Variants in RNF157 observed in about 807,000 individuals in gnomAD.
RNF157 encodes the protein ring finger protein 157, also known as E3 ubiquitin ligase RNF157.
In RNF157, 55 loss-of-function variants were observed where a neutral mutation model predicts 88.3. That is an observed-to-expected ratio of 0.62 (90% CI 0.50 to 0.78). The LOEUF (loss-of-function observed/expected upper bound fraction) is 0.78, where lower values mean the gene tolerates loss of function less well. RNF157 is among the 30% of genes least tolerant of loss of function. The probability of loss-of-function intolerance (pLI) is 0.00; values close to 1 mark genes in which losing one functional copy is unlikely to be tolerated. For synonymous variants in RNF157, 334 were observed against 341.2 expected (o/e 0.98, Z 0.23); for missense variants, 788 against 860.8 (o/e 0.92, Z 1.06).
intron 7 of RNF157, 78 bp from the exon 8 acceptor site, chr17:76,164,873 G>A: frequency 9.6e-7 from 1 of 1,036,802 alleles, no homozygotes; most frequent in Non-Finnish European, 1.5e-6. Context: ...ACATCTCCCA[G>A]TTACAGTCGC....
intron 1 of RNF157, among the ~76,000 whole-genome samples, chr17:76,238,717 T>C (rs920282519): frequency 6.6e-6 from 1 of 152,242 alleles, no homozygotes; most frequent in African/African-American, 2.4e-5. Flanking sequence ...TGCATATTTT[T>C]GTCTATTTTA....
intron 18 of RNF157, 162 bp from the exon 19 acceptor site, chr17:76,145,515 G>A (rs1166089727): frequency 1.7e-6 from 1 of 588,156 alleles, no homozygotes; most frequent in Non-Finnish European, 3.0e-6. Flanking sequence ...TGAGAACGGA[G>A]AGAAGCAGGT....
intron 1 of RNF157, among the ~76,000 whole-genome samples, chr17:76,239,255 A>G (rs770551775): frequency 1.8e-4 from 28 of 152,206 alleles, no homozygotes; most frequent in Non-Finnish European, 3.7e-4. Context: ...TGCAATTCAT[A>G]CTGGCCGGTG....
rs1406622269 is a variant in RNF157, at chr17:76,143,353, C to G, written c.*1882G>C. The G allele has an allele frequency of 6.6e-6, 1 of 152,264 alleles. No homozygotes were observed. The highest frequency in any genetic ancestry group is 6.5e-5 in the Admixed American group (1 of 15,272). The allele number at this position is 152,264 out of a possible 1,614,324, so 9.4% of individuals were successfully genotyped here. ...CTCCTTCCTCCCTCCTCCCAGGTAACACCACACTGTGAATACTACCTGCAG... is the reference window on the plus strand; with the variant it reads ...CTCCTTCCTCCCTCCTCCCAGGTAAGACCACACTGTGAATACTACCTGCAG... On this transcript the variant is annotated 3_prime_UTR_variant, in exon 19 of 19. Transcript: ENST00000269391.
chr17:76,156,518 G>A, intron 13 of RNF157, 197 bp from the exon 14 acceptor site: 1 of 1,411,918 alleles, frequency 7.1e-7, no homozygotes, highest in Non-Finnish European at 9.2e-7. Context: ...GCCTCCCAGG[G>A]GAGGCGCACA....
rs141936932 is a variant in RNF157, at chr17:76,158,143, T to C, written c.1413+250A>G. On this transcript the variant is annotated intron_variant, in intron 13 of 18. Transcript: ENST00000269391. The stretch of plus-strand genomic sequence containing the variant: ...CCACCCCAGATAGCAAGAATATAAA[T>C]GCTACAAGGGCAGGGACTTTTGTAG... Among the ~76,000 whole-genome samples, 434 of 152,010 alleles carry C rather than the reference T, an allele frequency of 2.9e-3. 4 individuals carry two copies. The highest frequency in any genetic ancestry group is 9.9e-3 in the African/African-American group (412 of 41,454).
intron 2 of RNF157, among the ~76,000 whole-genome samples, chr17:76,191,844 A>G (rs927675971): frequency 1.3e-5 from 2 of 152,196 alleles, no homozygotes; most frequent in African/African-American, 4.8e-5. Flanking sequence ...CTACTATTTT[A>G]TTTGATTGGC....
intron 2 of RNF157, among the ~76,000 whole-genome samples, chr17:76,194,908 A>G (rs543815592): frequency 1.2e-4 from 18 of 152,090 alleles, no homozygotes; most frequent in Middle Eastern, 3.4e-3. Context: ...CCAGCTACTC[A>G]GGAGGCTGAG....
chr17:76,210,601 A>AAAAAGAAAG (rs777083177), intron 2 of RNF157, among the ~76,000 whole-genome samples: 3 of 148,418 alleles, frequency 2.0e-5, no homozygotes, highest in Non-Finnish European at 4.5e-5. Flanking sequence ...AAAAAAAAAA[A>AAAAAGAAAG]AAAGAAAGAA....
rs772746027 is a variant in RNF157, at chr17:76,155,549, TC to T, written c.1698+12del. 2 of 1,610,554 alleles carry T rather than the reference TC, an allele frequency of 1.2e-6. No homozygotes were observed. The highest frequency in any genetic ancestry group is 1.7e-6 in the Non-Finnish European group (2 of 1,178,816). On this transcript the variant is annotated intron_variant, in intron 15 of 18. Coordinates refer to ENST00000269391, the MANE Select transcript of RNF157 (RefSeq NM_052916.3). ...AACAGAGAAGCCAGGGCGGTTCCCG[TC>T]CCTTCCCTTACCTCTCCTTCTTCTG... is the stretch of plus-strand genomic sequence containing the variant.
chr17:76,154,291 G>A lies in RNF157; in HGVS notation c.1802C>T (p.Thr601Met), dbSNP rs770686501. The change falls in exon 17 of 19, where the codon ACG becomes ATG. Residue 601 changes from threonine (T) to methionine (M), a missense_variant. By Grantham distance (81) the Thr-to-Met change is moderately conservative. Coordinates refer to ENST00000269391, the MANE Select transcript of RNF157 (RefSeq NM_052916.3). The part of the protein sequence containing the change: ...DVIEEEDGSP[T>M]QEGQRTCAFL... ...ACCAGATCTTTTACCACCTTCCTGCGTGGGTGATCCATCCTCTTCCTCTAT... is the reference window on the plus strand; with the variant it reads ...ACCAGATCTTTTACCACCTTCCTGCATGGGTGATCCATCCTCTTCCTCTAT... The A allele has an allele frequency of 3.5e-5, 56 of 1,610,558 alleles. No individual in the cohort carries two copies. Among genetic ancestry groups the A allele is most frequent in the East Asian group, 6.7e-5 (3 of 44,882 alleles).
chr17:76,148,992 C>G (rs913662661), intron 18 of RNF157, among the ~76,000 whole-genome samples: 1 of 152,212 alleles, frequency 6.6e-6, no homozygotes, highest in Non-Finnish European at 1.5e-5. Flanking sequence ...ATCTGCTTAG[C>G]GTGGTCTCGC....
intron 2 of RNF157, among the ~76,000 whole-genome samples, chr17:76,190,211 G>A (rs929834591): frequency 6.7e-6 from 1 of 149,456 alleles, no homozygotes; most frequent in African/African-American, 2.5e-5. Context: ...CTGTCAACCA[G>A]GCTGGAGTGC....
rs117578348 is a variant in RNF157 at position 76,160,542 on chromosome 17, T to C, written c.1066-969A>G. 0.011 allele frequency among the ~76,000 whole-genome samples: 1,708 copies of C among 152,340 alleles called. 15 individuals are homozygous for C. Among genetic ancestry groups the C allele is most frequent in the Non-Finnish European group, 0.018 (1,246 of 68,026 alleles). On this transcript the variant is annotated intron_variant, in intron 11 of 18. Transcript: ENST00000269391. This position sits in a 1 kb window ranked among gnomAD's most constrained non-coding sequence, Gnocchi z 4.3. Reference sequence around the variant, plus strand: ...TGCATATCATTGATTTTTAATGTGGTTGAACTTTTTAAAAAATTCTATGTT... The same window carrying C: ...TGCATATCATTGATTTTTAATGTGGCTGAACTTTTTAAAAAATTCTATGTT...
intron 2 of RNF157, among the ~76,000 whole-genome samples, chr17:76,191,340 C>T (rs188105354): frequency 2.0e-5 from 3 of 151,678 alleles, no homozygotes; most frequent in Admixed American, 6.6e-5. Flanking sequence ...GGGCTGGGCG[C>T]GGTGGCTCAC....
chr17:76,160,559 T>C lies in RNF157; in HGVS notation c.1065+976A>G, dbSNP rs1568029091. Among the ~76,000 whole-genome samples the C allele has an allele frequency of 6.6e-6, 1 of 152,242 alleles. No individual in the cohort carries two copies. Among genetic ancestry groups the C allele is most frequent in the Non-Finnish European group, 1.5e-5 (1 of 68,036 alleles). On this transcript the variant is annotated intron_variant, in intron 11 of 18. Transcript: ENST00000269391. This position sits in a 1 kb window ranked among gnomAD's most constrained non-coding sequence, Gnocchi z 4.3. ...TAATGTGGTTGAACTTTTTAAAAAA[T>C]TCTATGTTGAGTGTGTTTTGTTTAT...
At chr17:76,173,641 C>T (rs1459358304) in intron 3 of RNF157, 61 bp downstream of exon 3, 2 of 1,318,834 alleles carry the variant, frequency 1.5e-6, no homozygotes, top group African/African-American at 1.5e-5. Context: ...GTCTGTCCCC[C>T]AGCCCCCAGC....
rs188116966 is a variant in RNF157, at chr17:76,210,380, T to C, written c.207+1984A>G. On this transcript the variant is annotated intron_variant, in intron 2 of 18. Coordinates refer to ENST00000269391, the MANE Select transcript of RNF157 (RefSeq NM_052916.3). Reference sequence around the variant, plus strand: ...AGGCCAAGGTGGGCGGATCACGAGGTCAGATCGAGACCATCCTGGCTAACA... The same window carrying C: ...AGGCCAAGGTGGGCGGATCACGAGGCCAGATCGAGACCATCCTGGCTAACA... 1.8e-3 allele frequency among the ~76,000 whole-genome samples: 273 copies of C among 150,462 alleles called. 2 individuals carry two copies. Among genetic ancestry groups the C allele is most frequent in the African/African-American group, 6.2e-3 (254 of 40,716 alleles).
intron 3 of RNF157, among the ~76,000 whole-genome samples, chr17:76,169,841 A>G (rs902452237): frequency 5.3e-5 from 8 of 152,116 alleles, no homozygotes; most frequent in African/African-American, 9.7e-5. Context: ...TCACCTTCCC[A>G]AAGTGCTGGG....
Sources: allele counts gnomAD v4.1 joint callset (sites outside exome capture counted in the v4.1 genomes callset), GRCh38; gene constraint gnomAD v4.1.1; non-coding constraint Gnocchi (gnomAD v3.1); transcripts MANE v1.5; gene names NCBI Gene and HGNC (gene_info 2026-07-23, HGNC 2026-07-21).